DLGAP1: variants seen among roughly 807,000 people sequenced by gnomAD.
DLGAP1 encodes the protein DLG associated protein 1.
A neutral mutation model predicts 90.8 loss-of-function variants in DLGAP1; 11 were observed. The ratio of observed to expected loss-of-function variants is 0.12; its 90% CI spans 0.08 to 0.20. The LOEUF (loss-of-function observed/expected upper bound fraction) is 0.20, where lower values mean the gene tolerates loss of function less well. DLGAP1 is among the 10% of genes least tolerant of loss of function. DLGAP1 has a pLI of 1.00. For synonymous variants in DLGAP1, 558 were observed against 540.7 expected (o/e 1.03, Z -0.44); for missense variants, 1,050 against 1,333.8 (o/e 0.79, Z 3.31).
intron 7 of DLGAP1, among the ~76,000 whole-genome samples, chr18:3,665,394 C>T (rs1252841255): frequency 6.6e-6 from 1 of 152,014 alleles, no homozygotes; most frequent in African/African-American, 2.4e-5. Flanking sequence ...ATCTGAATTC[C>T]TACTGTTTTA....
chr18:3,520,035 T>TA (rs1486857294), intron 10 of DLGAP1, among the ~76,000 whole-genome samples: 1 of 152,070 alleles, frequency 6.6e-6, no homozygotes, highest in East Asian at 1.9e-4. Flanking sequence ...TCCCAGAACT[T>TA]AAAGTAAAAT....
intron 1 of DLGAP1, among the ~76,000 whole-genome samples, chr18:4,171,703 G>A (rs1308289025): frequency 6.6e-6 from 1 of 152,150 alleles, no homozygotes; most frequent in Non-Finnish European, 1.5e-5. Flanking sequence ...TTATAGAAAT[G>A]TCAAATTCAC....
chr18:4,303,837 C>G (rs143496927), intron 1 of DLGAP1, among the ~76,000 whole-genome samples: 325 of 152,246 alleles, frequency 2.1e-3, no homozygotes, highest in African/African-American at 7.4e-3. Context: ...ATGCAAATGG[C>G]CTTAGAATAC....
chr18:4,036,744 G>C (rs563701342), intron 2 of DLGAP1, among the ~76,000 whole-genome samples: 47 of 152,156 alleles, frequency 3.1e-4, no homozygotes, highest in African/African-American at 1.1e-3. Context: ...GAATTTTTCA[G>C]GGGGGGAAGG....
chr18:3,956,069 C>A (rs2073077519), intron 3 of DLGAP1, among the ~76,000 whole-genome samples: 1 of 152,158 alleles, frequency 6.6e-6, no homozygotes. Flanking sequence ...ATCTAAGAAG[C>A]TCAGTGAACT....
chr18:3,757,854 G>A (rs2063779280), intron 5 of DLGAP1, among the ~76,000 whole-genome samples: 1 of 152,148 alleles, frequency 6.6e-6, no homozygotes, highest in Admixed American at 6.5e-5. Context: ...GGTGGCTGTT[G>A]CCTGTAATCC....
At chr18:3,764,423 C>T (rs1347830936) in intron 5 of DLGAP1, among the ~76,000 whole-genome samples, 1 of 129,730 alleles carries the variant, frequency 7.7e-6, no homozygotes, top group Admixed American at 8.4e-5. Context: ...TACATATGTT[C>T]CTATTGCCCA....
At chr18:4,445,136 A>G (rs1204266488) in intron 1 of DLGAP1, among the ~76,000 whole-genome samples, 2 of 152,178 alleles carry the variant, frequency 1.3e-5, no homozygotes, top group Non-Finnish European at 1.5e-5. Context: ...TATGTCCAAT[A>G]TCATCTCAAA....
intron 7 of DLGAP1, among the ~76,000 whole-genome samples, chr18:3,600,727 TAG>T (rs2056864564): frequency 2.1e-5 from 1 of 48,418 alleles, no homozygotes; most frequent in South Asian, 5.7e-4. Context: ...TATAGAGATA[TAG>T]ATATATATAG....
chr18:4,009,694 C>T (rs1291412605), intron 2 of DLGAP1, among the ~76,000 whole-genome samples: 1 of 152,166 alleles, frequency 6.6e-6, no homozygotes, highest in African/African-American at 2.4e-5. Flanking sequence ...TAATAACAAA[C>T]GGAAGTTATG....
chr18:4,036,716 T>C (rs899085157), intron 2 of DLGAP1, among the ~76,000 whole-genome samples: 1 of 152,168 alleles, frequency 6.6e-6, no homozygotes, highest in African/African-American at 2.4e-5. Flanking sequence ...TGTGTACCAT[T>C]CAATCATTAT....
intron 7 of DLGAP1, among the ~76,000 whole-genome samples, chr18:3,688,035 T>C (rs1203483376): frequency 2.0e-5 from 3 of 151,558 alleles, no homozygotes; most frequent in East Asian, 1.9e-4. Flanking sequence ...GCCTCCCGAG[T>C]AGCTGGAATT....
intron 2 of DLGAP1, among the ~76,000 whole-genome samples, chr18:4,036,776 A>G (rs2074895976): frequency 6.6e-6 from 1 of 152,192 alleles, no homozygotes; most frequent in Admixed American, 6.5e-5. Flanking sequence ...GGGAGTTGTA[A>G]ATTTCTCATG....
At chr18:4,117,547 G>A (rs764168072) in intron 2 of DLGAP1, among the ~76,000 whole-genome samples, 6 of 152,106 alleles carry the variant, frequency 3.9e-5, no homozygotes, top group African/African-American at 7.2e-5. Context: ...AGATTTCTCC[G>A]GGTCAGCATA....
At chr18:4,172,090 T>C (rs1020744179) in intron 1 of DLGAP1, among the ~76,000 whole-genome samples, 5 of 152,230 alleles carry the variant, frequency 3.3e-5, no homozygotes, top group African/African-American at 1.2e-4. Context: ...TTCTCTGAAA[T>C]ACTCAATAAC....
At chr18:4,433,852 CA>C (rs1160996068) in intron 1 of DLGAP1, among the ~76,000 whole-genome samples, 1 of 151,692 alleles carries the variant, frequency 6.6e-6, no homozygotes, top group Non-Finnish European at 1.5e-5. Flanking sequence ...AAAGCTCTGC[CA>C]AAAAAAATCA....
chr18:3,973,575 C>T (rs755739549), intron 3 of DLGAP1, among the ~76,000 whole-genome samples: 18 of 152,196 alleles, frequency 1.2e-4, no homozygotes, highest in Admixed American at 7.9e-4. Context: ...CCCTAGGGAA[C>T]ATGCTGGAAG....
rs574803745 is a variant in DLGAP1, at chr18:4,026,294, C to T, written c.-158-21093G>A. On this transcript the variant is annotated intron_variant, in intron 2 of 12. Coordinates refer to ENST00000315677, the MANE Select transcript of DLGAP1 (RefSeq NM_004746.4). The stretch of plus-strand genomic sequence containing the variant: ...TTCACTAAAAGGGTCATACAGATGT[C>T]TAGGTTTTTCAGTGTGAGATATCCA... Among the ~76,000 whole-genome samples the T allele has an allele frequency of 2.4e-4, 37 of 152,284 alleles. No homozygotes were observed. The South Asian group carries it at 7.5e-3, about 31-fold the overall frequency.
rs533968128 is a variant in DLGAP1 at position 4,328,424 on chromosome 18, C to T, written c.-267+126582G>A. Among the ~76,000 whole-genome samples the T allele has an allele frequency of 1.2e-4, 19 of 152,022 alleles. No homozygotes were observed. The South Asian group carries it at 3.7e-3, about 30-fold the overall frequency. On this transcript the variant is annotated intron_variant, in intron 1 of 12. Coordinates refer to ENST00000315677, the MANE Select transcript of DLGAP1 (RefSeq NM_004746.4). ...ATAGTGTTCCATTGTATCTGTATTC[C>T]ATGATTTGCTTGCCTATTCATCAGT...
Sources: gnomAD v4.1 joint callset for allele counts (sites outside exome capture counted in the v4.1 genomes callset) on GRCh38, gnomAD v4.1.1 for gene constraint, MANE v1.5 for transcripts, NCBI Gene and HGNC (gene_info 2026-07-23, HGNC 2026-07-21) for gene names.